The following FAM220A variants were observed in gnomAD, a reference collection of about 807,000 sequenced individuals.
The protein encoded by FAM220A is family with sequence similarity 220 member A, also known as protein FAM220A.
For missense variants in FAM220A, 392 were observed against 321.6 expected (o/e 1.22, Z -1.68); for synonymous variants, 141 against 130.7 (o/e 1.08, Z -0.54).
intron 1 of FAM220A, among the ~76,000 whole-genome samples, chr7:6,343,049 G>A (rs61438751): frequency 9.5e-5 from 7 of 73,426 alleles, no homozygotes; most frequent in South Asian, 8.9e-4. Context: ...AAAAAAAAAA[G>A]AAAAAAGAAA....
At chr7:6,344,723 C>T (rs2115149564) in intron 1 of FAM220A, among the ~76,000 whole-genome samples, 1 of 151,920 alleles carries the variant, frequency 6.6e-6, no homozygotes, top group South Asian at 2.1e-4. Flanking sequence ...CTGGCCCACT[C>T]AATTCTTTTT....
At chr7:6,332,113 G>GA (rs35433559) in intron 1 of FAM220A, among the ~76,000 whole-genome samples, 2,068 of 129,018 alleles carry the variant, frequency 0.016, 27 homozygotes, top group African/African-American at 0.027. Flanking sequence ...CCATCTCACG[G>GA]AAAAAAAAAA....
In FAM220A at chr7:6,334,856, C is replaced by T. The variant is rs577738741; in HGVS notation, c.-81-3621G>A. Among the ~76,000 whole-genome samples, 4 of 151,800 alleles carry T rather than the reference C, an allele frequency of 2.6e-5. No individual in the cohort carries two copies. In the South Asian group the frequency reaches 8.3e-4, roughly 32 times the overall value. ...CGATCTCGACTCACTGCAACCTCCA[C>T]CTCCTGGGTTCAAGTGATTCTCCTG... On this transcript the variant is annotated intron_variant, in intron 1 of 1. Transcript: ENST00000313324.
chr7:6,340,252 T>C (rs1781825292), intron 1 of FAM220A, among the ~76,000 whole-genome samples: 2 of 152,140 alleles, frequency 1.3e-5, no homozygotes, highest in Non-Finnish European at 2.9e-5. Flanking sequence ...TACTCTTCTC[T>C]GACTAGCATC....
At chr7:6,334,337 A>G (rs1399055584) in intron 1 of FAM220A, among the ~76,000 whole-genome samples, 1 of 151,252 alleles carries the variant, frequency 6.6e-6, no homozygotes, top group Non-Finnish European at 1.5e-5. Context: ...GGAGTTCAAG[A>G]CCAGCCTGAA....
intron 1 of FAM220A, among the ~76,000 whole-genome samples, chr7:6,338,902 A>G (rs1322341229): frequency 2.0e-5 from 3 of 152,160 alleles, no homozygotes; most frequent in Admixed American, 6.6e-5. Context: ...GTGGGCCTTG[A>G]GGGACTGCCG....
rs141379005 is a variant in FAM220A at position 6,334,837 on chromosome 7, C to T, written c.-81-3602G>A. Among the ~76,000 whole-genome samples, 1,309 of 151,536 alleles carry T rather than the reference C, an allele frequency of 8.6e-3. 24 individuals are homozygous for T. The highest frequency in any genetic ancestry group is 0.03 in the African/African-American group (1,242 of 41,244). Reference sequence around the variant, plus strand: ...AGGCTGGAGTACAATGGCACGATCTCGACTCACTGCAACCTCCACCTCCTG... The same window carrying T: ...AGGCTGGAGTACAATGGCACGATCTTGACTCACTGCAACCTCCACCTCCTG... On this transcript the variant is annotated intron_variant, in intron 1 of 1. Transcript: ENST00000313324.
intron 1 of FAM220A, among the ~76,000 whole-genome samples, chr7:6,342,381 C>T (rs1302779934): frequency 6.6e-6 from 1 of 151,800 alleles, no homozygotes; most frequent in Non-Finnish European, 1.5e-5. Context: ...CCCGACTCTA[C>T]TAAAAATACA....
In FAM220A at chr7:6,329,870, T is replaced by TA. The variant is rs1283507792; in HGVS notation, c.*504dup. 1 of 169,094 alleles carries TA rather than the reference T, an allele frequency of 5.9e-6. No homozygotes were observed. The highest frequency in any genetic ancestry group is 1.4e-5 in the Non-Finnish European group (1 of 69,930). The allele number at this position is 169,094 out of a possible 1,614,324, so 10.5% of individuals were successfully genotyped here. ...TGCATTTCAAGTGGAAGGAAAGGGG[T>TA]ATGAGAAGTGAAATCGAATTTTGCT... On this transcript the variant is annotated 3_prime_UTR_variant, in exon 2 of 2. Transcript: ENST00000313324.
intron 1 of FAM220A, among the ~76,000 whole-genome samples, chr7:6,348,144 A>C (rs1562450266): frequency 6.6e-6 from 1 of 150,486 alleles, no homozygotes; most frequent in African/African-American, 2.4e-5. Flanking sequence ...TCCTGACCTC[A>C]GGTAATCCGC....
rs746126467 is a variant in FAM220A at position 6,330,359 on chromosome 7, T to C, written c.*16A>G. ...AACTCTTAAAATTAATCTATTGGTATTGTTCTGCTTGTACCTTAACTATGG... is the reference window on the plus strand; with the variant it reads ...AACTCTTAAAATTAATCTATTGGTACTGTTCTGCTTGTACCTTAACTATGG... On this transcript the variant is annotated 3_prime_UTR_variant, in exon 2 of 2. Transcript: ENST00000313324. 3.1e-6 allele frequency: 5 copies of C among 1,593,948 alleles called. No individual in the cohort carries two copies. In the South Asian group the frequency reaches 5.7e-5, roughly 18 times the overall value.
At chr7:6,334,792 T>G (rs918566812) in intron 1 of FAM220A, among the ~76,000 whole-genome samples, 1 of 122,442 alleles carries the variant, frequency 8.2e-6, no homozygotes, top group Admixed American at 8.5e-5. Context: ...TATTTTGAAA[T>G]GGAGTTTCAC....
chr7:6,347,555 G>A (rs1387471078), intron 1 of FAM220A, among the ~76,000 whole-genome samples: 1 of 151,816 alleles, frequency 6.6e-6, no homozygotes, highest in East Asian at 1.9e-4. Context: ...TACAGCAAAG[G>A]CGGTCTCCAG....
chr7:6,334,569 C>G (rs959638367), intron 1 of FAM220A, among the ~76,000 whole-genome samples: 30 of 151,356 alleles, frequency 2.0e-4, no homozygotes, highest in African/African-American at 7.3e-4. Context: ...CTGGGTTCAA[C>G]AATTCTCCTG....
intron 1 of FAM220A, among the ~76,000 whole-genome samples, chr7:6,340,705 C>A (rs570501774): frequency 6.6e-6 from 1 of 152,020 alleles, no homozygotes; most frequent in Admixed American, 6.6e-5. Flanking sequence ...CGAGACCATC[C>A]TGGCTAACAC....
At chr7:6,337,308 T>G (rs550081560) in intron 1 of FAM220A, among the ~76,000 whole-genome samples, 3 of 152,056 alleles carry the variant, frequency 2.0e-5, no homozygotes, top group Admixed American at 2.0e-4. Flanking sequence ...TTTGAGTAGA[T>G]ATGGGGTTTT....
intron 1 of FAM220A, among the ~76,000 whole-genome samples, chr7:6,334,950 TAG>T (rs879716413): frequency 6.6e-6 from 1 of 151,402 alleles, no homozygotes; most frequent in Non-Finnish European, 1.5e-5. Context: ...GTATTTTTAA[TAG>T]AGACGGGTTT....
chr7:6,347,920 T>TTATTAC (rs1322111678), intron 1 of FAM220A, among the ~76,000 whole-genome samples: 1 of 147,362 alleles, frequency 6.8e-6, no homozygotes, highest in Non-Finnish European at 1.5e-5. Context: ...ATTATTATTA[T>TTATTAC]TATTATTGAG....
At position 6,345,128 on chromosome 7, in the gene FAM220A, T is replaced by A. The variant is rs548176542; in HGVS notation, c.-82+3445A>T. 4.1e-4 allele frequency among the ~76,000 whole-genome samples: 63 copies of A among 151,988 alleles called. No individual in the cohort carries two copies. The East Asian group carries it at 9.9e-3, about 24-fold the overall frequency. On this transcript the variant is annotated intron_variant, in intron 1 of 1. Transcript: ENST00000313324. Reference sequence around the variant, plus strand: ...GTTATGTGTTTTTCTTGTTGTTGTTTAATTTTAGAGACAGAGTCTCACTCT... The same window carrying A: ...GTTATGTGTTTTTCTTGTTGTTGTTAAATTTTAGAGACAGAGTCTCACTCT...
Sources: allele counts gnomAD v4.1 joint callset (sites outside exome capture counted in the v4.1 genomes callset), GRCh38; gene constraint gnomAD v4.1.1; transcripts MANE v1.5; gene names NCBI Gene and HGNC (gene_info 2026-07-23, HGNC 2026-07-21).